Variants in SERPINB10 observed in about 807,000 individuals in gnomAD.
SERPINB10 encodes serpin family B member 10, also known as serpin B10.
A neutral mutation model predicts 39.1 loss-of-function variants in SERPINB10; 35 were observed. That is an observed-to-expected ratio of 0.90 (90% CI 0.68 to 1.19). The LOEUF is 1.19. Ranked by LOEUF, SERPINB10 falls within the 50% of genes most tolerant of loss-of-function variation. The pLI is 0.00. For missense variants in SERPINB10, 546 were observed against 460.5 expected, an observed-to-expected ratio of 1.19 and a Z score of -1.70; for synonymous variants, 190 against 158.1, an observed-to-expected ratio of 1.20 and a Z score of -1.52.
At chr18:63,928,531 A>T (rs910282244) in intron 5 of SERPINB10, among the ~76,000 whole-genome samples, 2 of 152,104 alleles carry the variant, frequency 1.3e-5, no homozygotes, top group Non-Finnish European at 2.9e-5. Flanking sequence ...TCAGATGTTA[A>T]TCAGAGCAGC....
intron 6 of SERPINB10, among the ~76,000 whole-genome samples, chr18:63,930,650 G>A (rs934487114): frequency 1.3e-5 from 2 of 152,162 alleles, no homozygotes; most frequent in African/African-American, 2.4e-5. Flanking sequence ...TCTCGTGAAT[G>A]GGCTGGAGTG....
At chr18:63,916,709 G>C (rs2050105463) in intron 2 of SERPINB10, among the ~76,000 whole-genome samples, 1 of 152,022 alleles carries the variant, frequency 6.6e-6, no homozygotes, top group African/African-American at 2.4e-5. Context: ...ATATTGCTGG[G>C]TGTTGCTTGT....
chr18:63,917,229 T>C (rs2050109986), intron 2 of SERPINB10, among the ~76,000 whole-genome samples: 1 of 152,020 alleles, frequency 6.6e-6, no homozygotes, highest in African/African-American at 2.4e-5. Context: ...TTACAAAACA[T>C]AGGAAAATAA....
intron 5 of SERPINB10, among the ~76,000 whole-genome samples, chr18:63,926,517 A>G (rs1237771118): frequency 6.6e-6 from 1 of 152,022 alleles, no homozygotes; most frequent in Non-Finnish European, 1.5e-5. Context: ...TCAACCCACC[A>G]CGGTGATACT....
At chr18:63,930,768 G>A (rs1331917298) in intron 6 of SERPINB10, among the ~76,000 whole-genome samples, 1 of 152,042 alleles carries the variant, frequency 6.6e-6, no homozygotes, top group Admixed American at 6.6e-5. Flanking sequence ...TCAGGTTGTG[G>A]TCTAACTTTC....
intron 5 of SERPINB10, among the ~76,000 whole-genome samples, chr18:63,926,058 G>T (rs2050179374): frequency 6.6e-6 from 1 of 151,996 alleles, no homozygotes; most frequent in South Asian, 2.1e-4. Context: ...AAACAGAGTG[G>T]TTAAAAACAA....
intron 1 of SERPINB10, among the ~76,000 whole-genome samples, chr18:63,914,676 C>T (rs1251334693): frequency 6.6e-6 from 1 of 151,938 alleles, no homozygotes; most frequent in African/African-American, 2.4e-5. Context: ...TCAATAATGT[C>T]TGCAGTTGCC....
intron 5 of SERPINB10, among the ~76,000 whole-genome samples, chr18:63,926,142 G>A (rs1471261964): frequency 1.3e-5 from 2 of 152,034 alleles, no homozygotes; most frequent in Non-Finnish European, 2.9e-5. Context: ...TGCTCTCTCT[G>A]AAGGCTCTAG....
intron 4 of SERPINB10, among the ~76,000 whole-genome samples, chr18:63,918,381 G>C (rs1216036831): frequency 1.3e-5 from 2 of 152,040 alleles, no homozygotes; most frequent in African/African-American, 4.8e-5. Context: ...GCTGGAGACT[G>C]TCTACTTGAG....
At chr18:63,910,132 C>T (rs2050053331) in intron 1 of SERPINB10, among the ~76,000 whole-genome samples, 1 of 151,900 alleles carries the variant, frequency 6.6e-6, no homozygotes, top group Admixed American at 6.6e-5. Context: ...CTACACATGC[C>T]TCTCTCATGA....
intron 1 of SERPINB10, among the ~76,000 whole-genome samples, chr18:63,912,778 T>C (rs1024953638): frequency 6.6e-6 from 1 of 152,066 alleles, no homozygotes; most frequent in African/African-American, 2.4e-5. Context: ...GGTATCAGGA[T>C]GATGCTGGCT....
chr18:63,914,050 C>T (rs1337851236), intron 1 of SERPINB10, among the ~76,000 whole-genome samples: 4 of 152,030 alleles, frequency 2.6e-5, no homozygotes, highest in African/African-American at 9.7e-5. Flanking sequence ...CTTTTGTTGG[C>T]TTAAAGCCTG....
At chr18:63,914,226 CT>C (rs1422461392) in intron 1 of SERPINB10, among the ~76,000 whole-genome samples, 1 of 152,006 alleles carries the variant, frequency 6.6e-6, no homozygotes, top group Non-Finnish European at 1.5e-5. Context: ...CAACTTGCCA[CT>C]CTGTGCTTTT....
intron 1 of SERPINB10, among the ~76,000 whole-genome samples, chr18:63,910,404 T>C (rs73478032): frequency 0.037 from 5,550 of 152,048 alleles, 362 homozygotes; most frequent in African/African-American, 0.13. Flanking sequence ...GTCCATCACC[T>C]AGGTAGTGAG....
Position 63,919,901 on chromosome 18 carries a change from C to T in SERPINB10, c.486C>T (p.Thr162=), listed in dbSNP as rs369249367. ...KDINSWVERQ[T]EGKIQNLLPD... ...TCAACTCTTGGGTTGAAAGACAGAC[C>T]GAGGGTAAGCTTTCACCAAGGGGTT... Residue 162 remains threonine (T), a synonymous_variant, in exon 5 of 8, where the codon ACC becomes ACT. Coordinates refer to ENST00000238508, the MANE Select transcript of SERPINB10 (RefSeq NM_005024.3). The T allele has an allele frequency of 2.3e-5, 37 of 1,593,250 alleles. No individual in the cohort carries two copies. In the African/African-American group the frequency reaches 4.1e-4, roughly 18 times the overall value.
chr18:63,908,080 T>C (rs772262019), intron 1 of SERPINB10, 40 bp downstream of exon 1: 1 of 291,834 alleles, frequency 3.4e-6, no homozygotes, highest in South Asian at 2.9e-5. Flanking sequence ...TTTATTTATG[T>C]TTTTCTTCTT....
chr18:63,932,192 TA>T (rs1269847368), intron 6 of SERPINB10, among the ~76,000 whole-genome samples: 1 of 152,220 alleles, frequency 6.6e-6, no homozygotes, highest in African/African-American at 2.4e-5. Context: ...TTGGCAATAA[TA>T]AATAAATTTT....
chr18:63,917,404 A>G lies in SERPINB10; in HGVS notation c.169-52A>G, dbSNP rs1410933530. The G allele has an allele frequency of 6.6e-6, 7 of 1,060,152 alleles. No individual in the cohort carries two copies. The East Asian group carries it at 1.8e-4, about 28-fold the overall frequency. The allele number at this position is 1,060,152 out of a possible 1,614,324, so 65.7% of individuals were successfully genotyped here. ...TGTATTTACAGATGATGTATGATTT[A>G]TATAATTACTTCTCTGCAGTCTATT... On this transcript the variant is annotated intron_variant, in intron 2 of 7. Coordinates refer to ENST00000238508, the MANE Select transcript of SERPINB10 (RefSeq NM_005024.3).
At chr18:63,910,740 A>T (rs1439013589) in intron 1 of SERPINB10, among the ~76,000 whole-genome samples, 1 of 150,642 alleles carries the variant, frequency 6.6e-6, no homozygotes, top group East Asian at 2.0e-4. Flanking sequence ...TGCTATTGTG[A>T]ATAGTGCTGT....
Sources: allele counts gnomAD v4.1 joint callset (sites outside exome capture counted in the v4.1 genomes callset), GRCh38; gene constraint gnomAD v4.1.1; transcripts MANE v1.5; gene names NCBI Gene and HGNC (gene_info 2026-07-23, HGNC 2026-07-21).